MICAL3: variants seen among roughly 807,000 people sequenced by gnomAD.
MICAL3 encodes the protein microtubule associated monooxygenase, calponin and LIM domain containing 3.
A neutral mutation model predicts 207.4 loss-of-function variants in MICAL3; 62 were observed. That is an observed-to-expected ratio of 0.30 (90% confidence interval 0.24 to 0.37). MICAL3 has a LOEUF of 0.37. Among genes scored for constraint, MICAL3 ranks in the 10% least tolerant of loss-of-function variants. The pLI is 1.00. For missense variants in MICAL3, 2,368 were observed against 2,635.6 expected, an observed-to-expected ratio of 0.90 and a Z score of 2.22; for synonymous variants, 1,077 against 1,069.3, an observed-to-expected ratio of 1.01 and a Z score of -0.14.
At chr22:17,928,243 T>G (rs2087946346) in intron 1 of MICAL3, among the ~76,000 whole-genome samples, 1 of 151,896 alleles carries the variant, frequency 6.6e-6, no homozygotes, top group Non-Finnish European at 1.5e-5. Flanking sequence ...ATCGAGACCA[T>G]CCTGGCTAAC....
At chr22:17,912,437 T>C (rs1464680051) in intron 1 of MICAL3, among the ~76,000 whole-genome samples, 1 of 152,202 alleles carries the variant, frequency 6.6e-6, no homozygotes, top group African/African-American at 2.4e-5. Flanking sequence ...TGGGTAATTG[T>C]GACATCTTAA....
chr22:17,957,835 C>T (rs1275517239), intron 1 of MICAL3, among the ~76,000 whole-genome samples: 1 of 151,976 alleles, frequency 6.6e-6, no homozygotes, highest in Non-Finnish European at 1.5e-5. Context: ...ATGGTACAGT[C>T]ACAGGGAGCC....
rs369894156 is a variant in MICAL3, at chr22:17,818,978, A to T, written c.3683T>A (p.Val1228Glu). Residue 1228 changes from valine (V) to glutamate (E), a missense_variant, in exon 26 of 32, where the codon GTG (valine) becomes GAG (glutamate). Around this residue, in one of 4 missense-constraint regions of MICAL3, gnomAD observed 1,770 missense variants for 1,863.2 expected, o/e 0.95. Coordinates refer to ENST00000441493, the MANE Select transcript of MICAL3 (RefSeq NM_015241.3). ...AVHSPIRSQP[V>E]TLPEARTPVS... Reference sequence around the variant, plus strand: ...AGGAGTCCTAGCTTCTGGCAGGGTCACTGGCTGTGATCGGATGGGAGAGTG... The same window carrying T: ...AGGAGTCCTAGCTTCTGGCAGGGTCTCTGGCTGTGATCGGATGGGAGAGTG... 7.0e-5 allele frequency: 113 copies of T among 1,608,730 alleles called. No homozygotes were observed. The Middle Eastern group carries it at 2.8e-3, about 40-fold the overall frequency.
chr22:17,807,327 C>A (rs572338237), intron 29 of MICAL3, among the ~76,000 whole-genome samples: 2 of 152,196 alleles, frequency 1.3e-5, no homozygotes, highest in South Asian at 2.1e-4. Flanking sequence ...AATCAGAGTG[C>A]GCAGAGCAGG....
Position 18,024,405 on chromosome 22 carries a change from C to G in MICAL3, c.-199G>C, listed in dbSNP as rs965325411. 6.6e-6 allele frequency: 1 copy of G among 152,202 alleles called. No homozygotes were observed. The highest frequency in any genetic ancestry group is 1.9e-4 in the East Asian group (1 of 5,176). The allele number at this position is 152,202 out of a possible 1,614,324, so 9.4% of individuals were successfully genotyped here. ...CGCACAACCCCTGCAGCTGCGATCCCGCCCAGTTAGCCTCGGGGGCTGCAC... is the reference window on the plus strand; with the variant it reads ...CGCACAACCCCTGCAGCTGCGATCCGGCCCAGTTAGCCTCGGGGGCTGCAC... On this transcript the variant is annotated 5_prime_UTR_variant, in exon 1 of 32. Coordinates refer to ENST00000441493, the MANE Select transcript of MICAL3 (RefSeq NM_015241.3).
Position 17,841,675 on chromosome 22 carries a change from A to C in MICAL3, c.2801+147T>G. The C allele has an allele frequency of 1.4e-6, 1 of 725,654 alleles. No homozygotes were observed. Among genetic ancestry groups the C allele is most frequent in the Non-Finnish European group, 2.3e-6 (1 of 439,518 alleles). The allele number at this position is 725,654 out of a possible 1,614,324, so 45.0% of individuals were successfully genotyped here. ...TCACTGACTAGAAGATGAGGCTAAG[A>C]ACCTAAAAGGGACTGGGGAGAATGG... On this transcript the variant is annotated intron_variant, in intron 20 of 31. Coordinates refer to ENST00000441493, the MANE Select transcript of MICAL3 (RefSeq NM_015241.3). The surrounding 1 kb of genome is among the most constrained non-coding windows in gnomAD (Gnocchi z 4.2).
intron 16 of MICAL3, among the ~76,000 whole-genome samples, chr22:17,874,643 G>A (rs866152550): frequency 6.6e-6 from 1 of 152,226 alleles, no homozygotes; most frequent in Non-Finnish European, 1.5e-5. Context: ...CATGAAAAGC[G>A]ATGGTTTCCT....
intron 1 of MICAL3, among the ~76,000 whole-genome samples, chr22:17,934,695 A>G (rs1486695707): frequency 6.6e-6 from 1 of 152,216 alleles, no homozygotes; most frequent in Non-Finnish European, 1.5e-5. Context: ...ACATGATTGT[A>G]TATTTAGAAA....
At chr22:17,823,116 G>A (rs1233199164) in intron 22 of MICAL3, 56 bp from the exon 23 acceptor site, 1 of 1,187,102 alleles carries the variant, frequency 8.4e-7, no homozygotes, top group African/African-American at 1.5e-5. Context: ...CAGACAGGCT[G>A]CATCTTCACG....
intron 20 of MICAL3, among the ~76,000 whole-genome samples, chr22:17,833,844 C>T (rs892423680): frequency 2.6e-5 from 4 of 152,150 alleles, no homozygotes; most frequent in African/African-American, 7.2e-5. Context: ...CCTGGCGTAT[C>T]GTCACACATC....
chr22:17,831,789 C>G, intron 21 of MICAL3, 65 bp downstream of exon 21: 2 of 1,514,950 alleles, frequency 1.3e-6, no homozygotes, highest in Non-Finnish European at 1.8e-6. Context: ...ACCTCTTACA[C>G]TCACGCATGA....
intron 1 of MICAL3, among the ~76,000 whole-genome samples, chr22:17,935,209 T>C (rs952327525): frequency 9.9e-5 from 15 of 152,022 alleles, no homozygotes; most frequent in African/African-American, 3.4e-4. Flanking sequence ...CAAAACAACA[T>C]GATACTGGTA....
intron 1 of MICAL3, among the ~76,000 whole-genome samples, chr22:17,956,126 G>A (rs1165791432): frequency 6.6e-6 from 1 of 151,522 alleles, no homozygotes; most frequent in Non-Finnish European, 1.5e-5. Flanking sequence ...ACATGCCTGT[G>A]TCAGCGTCTC....
Position 17,902,795 on chromosome 22 carries a change from G to GA in MICAL3, c.473-49_473-48insT, listed in dbSNP as rs750762686. The GA allele has an allele frequency of 8.4e-7, 1 of 1,194,130 alleles. No individual in the cohort carries two copies. The highest frequency in any genetic ancestry group is 1.2e-6 in the Non-Finnish European group (1 of 824,760). The allele number at this position is 1,194,130 out of a possible 1,614,324, so 74.0% of individuals were successfully genotyped here. Reference sequence around the variant, plus strand: ...TTGATGGGAACACATGGAGAAGGGGGTACCCATCCGTGTCGCAGCTCAGGC... The same window carrying GA: ...TTGATGGGAACACATGGAGAAGGGGGATACCCATCCGTGTCGCAGCTCAGGC... On this transcript the variant is annotated intron_variant, in intron 3 of 31. Transcript: ENST00000441493. The surrounding 1 kb of genome is among the most constrained non-coding windows in gnomAD (Gnocchi z 4.5).
intron 27 of MICAL3, chr22:17,814,854 C>T (rs2062086617): frequency 1.4e-5 from 2 of 148,090 alleles, no homozygotes; most frequent in South Asian, 4.3e-4. Flanking sequence ...GGTCATCCAT[C>T]CCCTAGCTCG....
chr22:17,818,026 C>T lies in MICAL3; in HGVS notation c.4635G>A (p.Thr1545=), dbSNP rs371694426. Residue 1545 remains threonine (T), a synonymous_variant, in exon 26 of 32, where the codon ACG becomes ACA. Coordinates refer to ENST00000441493, the MANE Select transcript of MICAL3 (RefSeq NM_015241.3). ...EDSSLQEKFF[T]PPSCWPRPEK... is the part of the protein sequence containing the mutation. ...CGGGGCGCGGCCAGCAGGACGGGGGCGTGAAGAATTTCTCCTGCAGGCTTG... is the reference window on the plus strand; with the variant it reads ...CGGGGCGCGGCCAGCAGGACGGGGGTGTGAAGAATTTCTCCTGCAGGCTTG... The T allele has an allele frequency of 7.9e-5, 128 of 1,612,592 alleles. No individual in the cohort carries two copies. The highest frequency in any genetic ancestry group is 1.0e-4 in the Non-Finnish European group (123 of 1,179,752).
At chr22:17,927,963 C>A (rs1251267010) in intron 1 of MICAL3, among the ~76,000 whole-genome samples, 1 of 152,156 alleles carries the variant, frequency 6.6e-6, no homozygotes, top group Admixed American at 6.5e-5. Flanking sequence ...CCACAACACA[C>A]ACTCAGATCT....
rs1157773070 is a variant in MICAL3 at position 17,877,563 on chromosome 22, G to A, written c.2242-5540C>T. Among the ~76,000 whole-genome samples the A allele has an allele frequency of 2.0e-5, 3 of 147,098 alleles. 1 individual carries two copies. Among genetic ancestry groups the A allele is most frequent in the African/African-American group, 5.1e-5 (2 of 39,204 alleles). ...TATGGAGGTGAGGGAGGTTATGGAGGTTAGGGAGGTTAGGGAAGTTATGGA... is the reference window on the plus strand; with the variant it reads ...TATGGAGGTGAGGGAGGTTATGGAGATTAGGGAGGTTAGGGAAGTTATGGA... On this transcript the variant is annotated intron_variant, in intron 16 of 31. Transcript: ENST00000441493.
At chr22:17,988,197 CA>C (rs1018194126) in intron 1 of MICAL3, among the ~76,000 whole-genome samples, 12 of 152,218 alleles carry the variant, frequency 7.9e-5, no homozygotes, top group African/African-American at 2.9e-4. Context: ...GCTTTACCAA[CA>C]GGGGGCTGGA....
Sources: gnomAD v4.1 joint callset for allele counts (sites outside exome capture counted in the v4.1 genomes callset) on GRCh38, gnomAD v4.1.1 for gene constraint, gnomAD v4.1.1 regional missense constraint, Gnocchi (gnomAD v3.1) non-coding constraint, MANE v1.5 for transcripts, NCBI Gene and HGNC (gene_info 2026-07-23, HGNC 2026-07-21) for gene names.